The following TTC3 variants were observed in gnomAD, a reference collection of about 807,000 sequenced individuals.
TTC3 encodes the protein E3 ubiquitin-protein ligase TTC3.
TTC3 carries 180 observed loss-of-function variants against 249.6 expected under a neutral mutation model. That is an observed-to-expected ratio of 0.72 (90% CI 0.64 to 0.82). TTC3 has a LOEUF of 0.82. TTC3 is among the 40% of genes least tolerant of loss of function. TTC3 has a pLI of 0.00. For missense variants in TTC3, 2,061 were observed against 2,398.4 expected (o/e 0.86, Z 2.94); for synonymous variants, 717 against 805.0 (o/e 0.89, Z 1.85).
At chr21:37,183,275 A>AT (rs1477253184) in intron 36 of TTC3, among the ~76,000 whole-genome samples, 2 of 152,164 alleles carry the variant, frequency 1.3e-5, no homozygotes, top group Non-Finnish European at 2.9e-5. Context: ...CAAAAGTAAG[A>AT]TTCTGTGATG....
intron 35 of TTC3, among the ~76,000 whole-genome samples, chr21:37,179,241 C>A (rs367585060): frequency 6.6e-6 from 1 of 152,268 alleles, no homozygotes. Context: ...GAGCCATGAT[C>A]TTGCCACTGC....
chr21:37,191,750 G>T (rs2084146036), intron 40 of TTC3, among the ~76,000 whole-genome samples: 1 of 152,006 alleles, frequency 6.6e-6, no homozygotes, highest in Non-Finnish European at 1.5e-5. Flanking sequence ...GGCTAATTTT[G>T]TTTTTGGTTT....
At position 37,147,420 on chromosome 21, in the gene TTC3, C is replaced by A; in HGVS notation, c.1894-61C>A. On this transcript the variant is annotated intron_variant, in intron 21 of 45. Coordinates refer to ENST00000355666, the Ensembl canonical transcript of TTC3. ...TGATGGCAAGAGGTTATTGAAATCACAAGCATTTTTATTGACAGATTAGTA... is the reference window on the plus strand; with the variant it reads ...TGATGGCAAGAGGTTATTGAAATCAAAAGCATTTTTATTGACAGATTAGTA... The A allele has an allele frequency of 3.4e-6, 5 of 1,451,202 alleles. No individual in the cohort carries two copies. The South Asian group carries it at 6.9e-5, about 20-fold the overall frequency. 89.9% of individuals were successfully genotyped at this position (1,451,202 alleles called of 1,614,324 possible).
intron 11 of TTC3, among the ~76,000 whole-genome samples, chr21:37,118,202 C>A (rs930259507): frequency 5.9e-5 from 9 of 151,808 alleles, no homozygotes; most frequent in Non-Finnish European, 7.4e-5. Flanking sequence ...GGTATATTTA[C>A]TTTTATAAGA....
chr21:37,112,314 A>G (rs1793872), intron 11 of TTC3, among the ~76,000 whole-genome samples: 1 of 152,174 alleles, frequency 6.6e-6, no homozygotes. Flanking sequence ...TAATAAGAAA[A>G]GAGAGAAGAA....
At chr21:37,171,705 C>T (rs191860636) in intron 34 of TTC3, among the ~76,000 whole-genome samples, 2 of 152,292 alleles carry the variant, frequency 1.3e-5, no homozygotes, top group East Asian at 3.9e-4. Context: ...TAGTACTAAA[C>T]TTTCGGTCTG....
chr21:37,074,201 C>CT (rs1461494401), intron 1 of TTC3, among the ~76,000 whole-genome samples: 2 of 152,258 alleles, frequency 1.3e-5, no homozygotes, highest in Non-Finnish European at 2.9e-5. Flanking sequence ...CCCCGCGCCT[C>CT]TTTCTGAGCA....
intron 31 of TTC3, among the ~76,000 whole-genome samples, chr21:37,162,819 TC>T (rs34294103): frequency 1 from 152,273 of 152,274 alleles, 76,136 homozygotes; most frequent in Non-Finnish European, 1. Context: ...GGCTGGGAAG[TC>T]CCAAGATCAA....
At chr21:37,080,353 T>A (rs1157609454) in intron 1 of TTC3, among the ~76,000 whole-genome samples, 1 of 137,584 alleles carries the variant, frequency 7.3e-6, no homozygotes, top group Non-Finnish European at 1.6e-5. Flanking sequence ...CCAGAGAATA[T>A]TTTATCTTTT....
intron 31 of TTC3, among the ~76,000 whole-genome samples, chr21:37,162,662 A>AT (rs1569107115): frequency 4.5e-3 from 1 of 220 alleles, no homozygotes; most frequent in Non-Finnish European, 0.013. Flanking sequence ...AGCAGTTAAA[A>AT]ATTACGTGGT....
In TTC3 at chr21:37,179,022, A is replaced by C. The variant is rs143366749; in HGVS notation, c.4618-3752A>C. Among the ~76,000 whole-genome samples the C allele has an allele frequency of 4.5e-3, 692 of 152,282 alleles. 2 individuals carry two copies. The highest frequency in any genetic ancestry group is 6.8e-3 in the Non-Finnish European group (463 of 68,012). ...CATGATGGCTCACACCTATAATCCC[A>C]GCACTTTGGGAGGCTAAGGCAGGAG... On this transcript the variant is annotated intron_variant, in intron 35 of 45. Transcript: ENST00000355666.
At chr21:37,167,043 C>T (rs1329312431) in intron 33 of TTC3, among the ~76,000 whole-genome samples, 2 of 152,108 alleles carry the variant, frequency 1.3e-5, no homozygotes, top group Non-Finnish European at 2.9e-5. Context: ...GTGCCTGCCC[C>T]ATAGGACTTA....
rs747957425 is a variant in TTC3 at position 37,153,131 on chromosome 21, T to C, written c.2594T>C (p.Phe865Ser). Residue 865 changes from phenylalanine (F) to serine (S), a missense_variant, in exon 27 of 46, where the codon TTT becomes TCT. This residue lies in a region of TTC3 where 989 missense variants were observed against 1,145.1 expected (regional missense o/e 0.86). Coordinates refer to ENST00000355666, the Ensembl canonical transcript of TTC3. Reference sequence around the variant, plus strand: ...ACAACCTGTTTTTCTAGCAGAAATTTTCTAAATGAAGCAGTGGACTATGTT... The same window carrying C: ...ACAACCTGTTTTTCTAGCAGAAATTCTCTAAATGAAGCAGTGGACTATGTT... 3.5e-5 allele frequency: 57 copies of C among 1,613,874 alleles called. No homozygotes were observed. The highest frequency in any genetic ancestry group is 4.6e-5 in the Non-Finnish European group (54 of 1,180,022).
chr21:37,102,384 G>A (rs1601428519), intron 10 of TTC3, among the ~76,000 whole-genome samples: 1 of 152,128 alleles, frequency 6.6e-6, no homozygotes, highest in Non-Finnish European at 1.5e-5. Flanking sequence ...TACTTTTTAT[G>A]GTATGGTTTA....
At chr21:37,131,199 C>T (rs1175355718) in intron 16 of TTC3, among the ~76,000 whole-genome samples, 1 of 152,062 alleles carries the variant, frequency 6.6e-6, no homozygotes, top group Non-Finnish European at 1.5e-5. Flanking sequence ...CAAGGTAGTG[C>T]CTCAGATAGT....
At chr21:37,111,004 T>C (rs1462546878) in intron 11 of TTC3, among the ~76,000 whole-genome samples, 1 of 152,126 alleles carries the variant, frequency 6.6e-6, no homozygotes, top group Non-Finnish European at 1.5e-5. Context: ...AAGCAAATGC[T>C]GAGAGATTTT....
exon 1 of TTC3, chr21:37,073,291 G>C (rs1220138924): frequency 3.7e-6 from 1 of 269,198 alleles, no homozygotes; most frequent in African/African-American, 2.5e-5. Flanking sequence ...GTGGAGGGCC[G>C]GAGGTGGCGG....
chr21:37,097,882 A>T, intron 10 of TTC3: 1 of 694,390 alleles, frequency 1.4e-6, no homozygotes, highest in East Asian at 2.7e-5. Context: ...TTTAAAAATA[A>T]CATTTATTGT....
chr21:37,094,839 A>G (rs1457752929), intron 8 of TTC3, among the ~76,000 whole-genome samples: 2 of 152,134 alleles, frequency 1.3e-5, no homozygotes, highest in Non-Finnish European at 2.9e-5. Context: ...GTTTATTTAA[A>G]TATATATACC....
Sources: allele counts gnomAD v4.1 joint callset (sites outside exome capture counted in the v4.1 genomes callset), GRCh38; gene constraint gnomAD v4.1.1; regional missense constraint gnomAD v4.1.1; transcripts MANE v1.5; gene names NCBI Gene and HGNC (gene_info 2026-07-23, HGNC 2026-07-21).